The following TWSG1 variants were observed in gnomAD, a reference collection of about 807,000 sequenced individuals.
TWSG1 encodes twisted gastrulation protein homolog 1.
Under a neutral mutation model 23.0 loss-of-function variants are expected in TWSG1, and 15 were observed. The observed-to-expected ratio is 0.65, with a 90% CI of 0.44 to 1.00. The LOEUF is 1.00. Ranked by LOEUF, TWSG1 falls within the 50% of genes least tolerant of loss-of-function variation. TWSG1 has a pLI of 0.00. For synonymous variants in TWSG1, 86 were observed against 92.8 expected (o/e 0.93, Z 0.42); for missense variants, 242 against 278.7 (o/e 0.87, Z 0.94).
intron 2 of TWSG1, among the ~76,000 whole-genome samples, chr18:9,343,210 T>TTATATA (rs6146209): frequency 1.4e-3 from 185 of 131,792 alleles, no homozygotes; most frequent in Middle Eastern, 4.0e-3. Context: ...TTGTTTTTTG[T>TTATATA]TATATATATA....
intron 3 of TWSG1, among the ~76,000 whole-genome samples, chr18:9,379,448 A>G (rs1434048940): frequency 6.6e-6 from 1 of 152,060 alleles, no homozygotes; most frequent in East Asian, 1.9e-4. Flanking sequence ...TTATGTTCTC[A>G]TTGAGCTAAA....
At chr18:9,365,720 G>A (rs1217509693) in intron 3 of TWSG1, among the ~76,000 whole-genome samples, 1 of 151,800 alleles carries the variant, frequency 6.6e-6, no homozygotes, top group Non-Finnish European at 1.5e-5. Flanking sequence ...AAAAAACTAG[G>A]CCAGGCCCAG....
At chr18:9,391,298 C>A (rs2040711541) in intron 3 of TWSG1, among the ~76,000 whole-genome samples, 1 of 152,218 alleles carries the variant, frequency 6.6e-6, no homozygotes, top group East Asian at 1.9e-4. Flanking sequence ...CAGTAATTTT[C>A]TCCACTGAAG....
chr18:9,383,863 A>G (rs1456083502), intron 3 of TWSG1, among the ~76,000 whole-genome samples: 2 of 152,316 alleles, frequency 1.3e-5, no homozygotes, highest in East Asian at 3.9e-4. Flanking sequence ...CAGTGGGTCC[A>G]GTGGTGGAAA....
intron 2 of TWSG1, among the ~76,000 whole-genome samples, chr18:9,342,297 A>G (rs2040449503): frequency 6.6e-6 from 1 of 152,198 alleles, no homozygotes; most frequent in South Asian, 2.1e-4. Flanking sequence ...CTGTGCGAGT[A>G]TTGTGAGGAT....
intron 3 of TWSG1, among the ~76,000 whole-genome samples, chr18:9,365,424 C>G (rs1208490814): frequency 1.3e-5 from 2 of 152,132 alleles, no homozygotes; most frequent in African/African-American, 2.4e-5. Flanking sequence ...CCTATAATCC[C>G]AGCACTCTGG....
At chr18:9,387,473 A>C (rs1434491145) in intron 3 of TWSG1, among the ~76,000 whole-genome samples, 1 of 152,140 alleles carries the variant, frequency 6.6e-6, no homozygotes, top group Non-Finnish European at 1.5e-5. Flanking sequence ...AAGTATTTAA[A>C]AGCAAATTGC....
intron 3 of TWSG1, among the ~76,000 whole-genome samples, chr18:9,393,218 G>A (rs1054132464): frequency 1.3e-5 from 2 of 152,182 alleles, no homozygotes; most frequent in Non-Finnish European, 2.9e-5. Flanking sequence ...GTAAAATACA[G>A]CGCAATAAAA....
At chr18:9,383,647 A>G (rs7236073) in intron 3 of TWSG1, among the ~76,000 whole-genome samples, 59,395 of 152,042 alleles carry the variant, frequency 0.39, 11,819 homozygotes, top group African/African-American at 0.45. Context: ...AAATGGTGGC[A>G]CTCAGATTCT....
At chr18:9,356,300 T>C (rs1367455023) in intron 2 of TWSG1, among the ~76,000 whole-genome samples, 2 of 152,226 alleles carry the variant, frequency 1.3e-5, no homozygotes, top group East Asian at 1.9e-4. Flanking sequence ...TCTTCAGAGC[T>C]AGATAACCTG....
intron 4 of TWSG1, among the ~76,000 whole-genome samples, chr18:9,397,662 G>A (rs2040743089): frequency 6.6e-6 from 1 of 152,164 alleles, no homozygotes; most frequent in Non-Finnish European, 1.5e-5. Context: ...AGTATAATTT[G>A]TACTCTTACT....
intron 3 of TWSG1, among the ~76,000 whole-genome samples, chr18:9,374,984 A>G (rs1326989446): frequency 1.3e-5 from 2 of 152,044 alleles, no homozygotes; most frequent in Admixed American, 6.6e-5. Flanking sequence ...TGGCTAACAC[A>G]GTGAAACCCC....
intron 2 of TWSG1, among the ~76,000 whole-genome samples, chr18:9,352,120 T>G (rs2040504934): frequency 6.6e-6 from 1 of 152,192 alleles, no homozygotes; most frequent in African/African-American, 2.4e-5. Context: ...ACCACTGATT[T>G]GATTTTTTTT....
intron 4 of TWSG1, among the ~76,000 whole-genome samples, chr18:9,398,066 T>C (rs2040746253): frequency 6.9e-6 from 1 of 145,964 alleles, no homozygotes; most frequent in South Asian, 2.2e-4. Flanking sequence ...CGAACATTAA[T>C]AGTAAAAGGC....
intron 3 of TWSG1, among the ~76,000 whole-genome samples, chr18:9,367,826 A>G (rs1241505683): frequency 6.6e-6 from 1 of 152,224 alleles, no homozygotes; most frequent in Non-Finnish European, 1.5e-5. Flanking sequence ...TTTAAGGCTG[A>G]ATAGTATTCC....
intron 3 of TWSG1, among the ~76,000 whole-genome samples, chr18:9,384,764 G>A (rs563584220): frequency 1.3e-5 from 2 of 151,654 alleles, no homozygotes; most frequent in Non-Finnish European, 2.9e-5. Context: ...TCTTGCCTCA[G>A]CCTCCCGAGT....
rs2040736457 is a variant in TWSG1 at position 9,396,480 on chromosome 18, C to T, written c.424C>T (p.Gln142Ter). 1 of 1,614,114 alleles carries T rather than the reference C, an allele frequency of 6.2e-7. No homozygotes were observed. Among genetic ancestry groups the T allele is most frequent in the South Asian group, 1.1e-5 (1 of 91,080 alleles). The change falls in exon 4 of 5, where the codon CAG becomes TAG. Residue 142 changes from glutamine to a stop codon, truncating the protein, a stop_gained. Transcript: ENST00000262120. LOFTEE classifies it high-confidence loss of function. The part of the protein sequence containing the change: ...NLVSFLETVN[Q>*]PHHQNVSVPS... ...GGTTTCATTTTTAGAAACTGTGAACCAGCCACACCACCAGAATGTGTCTGT... is the reference window on the plus strand; with the variant it reads ...GGTTTCATTTTTAGAAACTGTGAACTAGCCACACCACCAGAATGTGTCTGT...
Position 9,399,503 on chromosome 18 carries a change from C to T in TWSG1, c.648C>T (p.Val216=). Residue 216 remains valine, a synonymous_variant, in exon 5 of 5, where the codon GTC becomes GTT. Coordinates refer to ENST00000262120, the MANE Select transcript of TWSG1 (RefSeq NM_020648.6). ...PECIDYGSKT[V]KCMNCMF ...GTATTGACTATGGTAGTAAAACTGT[C>T]AAATGTATGAACTGCATGTTTTAAA... 1 of 1,608,120 alleles carries T rather than the reference C, an allele frequency of 6.2e-7. No individual in the cohort carries two copies. Among genetic ancestry groups the T allele is most frequent in the Non-Finnish European group, 8.5e-7 (1 of 1,178,500 alleles).
chr18:9,368,518 T>C lies in TWSG1; in HGVS notation c.223+8447T>C, dbSNP rs565921341. On this transcript the variant is annotated intron_variant, in intron 3 of 4. Transcript: ENST00000262120. ...ACCTGGCCATTATTGTGGTTTTAAT[T>C]TGTATTGCTTTGGGCTGGGTGCAGT... Among the ~76,000 whole-genome samples the C allele has an allele frequency of 8.2e-4, 124 of 152,092 alleles. 1 individual carries two copies. The highest frequency in any genetic ancestry group is 2.5e-3 in the African/African-American group (102 of 41,552).
Sources: allele counts gnomAD v4.1 joint callset (sites outside exome capture counted in the v4.1 genomes callset), GRCh38; gene constraint gnomAD v4.1.1; transcripts MANE v1.5; gene names NCBI Gene and HGNC (gene_info 2026-07-23, HGNC 2026-07-21).